The following UBN1 variants were observed in gnomAD, a reference collection of about 807,000 sequenced individuals.
The protein encoded by UBN1 is ubinuclein 1, also known as ubinuclein-1.
Under a neutral mutation model 108.5 loss-of-function variants are expected in UBN1, and 17 were observed. The ratio of observed to expected loss-of-function variants is 0.16; its 90% CI spans 0.11 to 0.24. The LOEUF (loss-of-function observed/expected upper bound fraction) is 0.24, where lower values mean the gene tolerates loss of function less well. Among genes scored for constraint, UBN1 ranks in the 10% least tolerant of loss-of-function variants. The pLI, the probability that UBN1 is intolerant of heterozygous loss-of-function variation, is 1.00. For synonymous variants in UBN1, 726 were observed against 564.2 expected (o/e 1.29, Z -4.07); for missense variants, 1,595 against 1,394.4 (o/e 1.14, Z -2.29).
At position 4,881,502 on chromosome 16, in the gene UBN1, T is replaced by C. The variant is rs1235251854; in HGVS notation, c.*1370T>C. On this transcript the variant is annotated 3_prime_UTR_variant, in exon 18 of 18. Coordinates refer to ENST00000262376, the MANE Select transcript of UBN1 (RefSeq NM_001079514.3). ...GCTCCAGCTAAGTGATCAGGCACGT[T>C]GAGAGTATACGGTGTCCTCAGCACA... The C allele has an allele frequency of 6.6e-6, 1 of 152,144 alleles. No homozygotes were observed. Among genetic ancestry groups the C allele is most frequent in the Non-Finnish European group, 1.5e-5 (1 of 68,040 alleles). The allele number at this position is 152,144 out of a possible 1,614,324, so 9.4% of individuals were successfully genotyped here.
chr16:4,877,957 C>T lies in UBN1; in HGVS notation c.3355+483C>T. The T allele has an allele frequency of 2.0e-6, 1 of 511,136 alleles. No individual in the cohort carries two copies. Among genetic ancestry groups the T allele is most frequent in the Non-Finnish European group, 2.5e-6 (1 of 396,816 alleles). 31.7% of individuals were successfully genotyped at this position (511,136 alleles called of 1,614,324 possible). ...ATTAAAGGGAAAATCCAGGTAGCAG[C>T]CAGAGGCCACAGTGCAAGACTTTGA... On this transcript the variant is annotated intron_variant, in intron 17 of 17. Coordinates refer to ENST00000262376, the MANE Select transcript of UBN1 (RefSeq NM_001079514.3). The surrounding 1 kb of genome is among the most constrained non-coding windows in gnomAD (Gnocchi z 4.3).
Position 4,877,050 on chromosome 16 carries a change from C to G in UBN1, c.3204C>G (p.Val1068=), listed in dbSNP as rs774428831. The G allele has an allele frequency of 6.2e-7, 1 of 1,614,208 alleles. No homozygotes were observed. The highest frequency in any genetic ancestry group is 2.2e-5 in the East Asian group (1 of 44,884). ...CTGACTCCTCTGCCAAAGCAGGGGT[C>G]TCCAAGGATGCCATCGTCACAGGCC... ...FSADSSAKAG[V]SKDAIVTGPA... Residue 1068 remains valine (V), a synonymous_variant, in exon 16 of 18, where the codon GTC becomes GTG. Transcript: ENST00000262376. The surrounding 1 kb of genome is among the most constrained non-coding windows in gnomAD (Gnocchi z 4.3).
At position 4,881,560 on chromosome 16, in the gene UBN1, C is replaced by T. The variant is rs896541884; in HGVS notation, c.*1428C>T. The T allele has an allele frequency of 6.6e-6, 1 of 152,166 alleles. No individual in the cohort carries two copies. Among genetic ancestry groups the T allele is most frequent in the Admixed American group, 6.5e-5 (1 of 15,278 alleles). 9.4% of individuals were successfully genotyped at this position (152,166 alleles called of 1,614,324 possible). A position where few individuals can be genotyped will look rare whatever the true frequency, so the allele number is the denominator to read the frequency against. ...GTGGGAAAACGGACCGCTCTTGGCTCCTGACTCCCAGGGTACAGCGCCCAG... is the reference window on the plus strand; with the variant it reads ...GTGGGAAAACGGACCGCTCTTGGCTTCTGACTCCCAGGGTACAGCGCCCAG... On this transcript the variant is annotated 3_prime_UTR_variant, in exon 18 of 18. Transcript: ENST00000262376.
chr16:4,874,618 C>T lies in UBN1; in HGVS notation c.2208C>T (p.Leu736=). ...CAGCTAGCTCTCTGCAGTCACCCCTCAATTTTCTGGCAGAACAGGCTCTGG... is the reference window on the plus strand; with the variant it reads ...CAGCTAGCTCTCTGCAGTCACCCCTTAATTTTCTGGCAGAACAGGCTCTGG... ...PPPASSLQSP[L]NFLAEQALAL... Residue 736 remains leucine (L), a synonymous_variant, in exon 15 of 18, where the codon CTC becomes CTT. Coordinates refer to ENST00000262376, the MANE Select transcript of UBN1 (RefSeq NM_001079514.3). 1 of 1,614,236 alleles carries T rather than the reference C, an allele frequency of 6.2e-7. No homozygotes were observed. The highest frequency in any genetic ancestry group is 8.5e-7 in the Non-Finnish European group (1 of 1,180,042).
chr16:4,880,122 G>A lies in UBN1; in HGVS notation c.3395G>A (p.Arg1132Gln). The change falls in exon 18 of 18, where the codon CGG (arginine) becomes CAG (glutamine). Residue 1132 changes from arginine (R) to glutamine (Q), a missense_variant. Arg to Gln is a conservative substitution (Grantham distance 43). Transcript: ENST00000262376. The stretch of plus-strand genomic sequence containing the variant: ...CACGGGAAAGGGCCTGCTGTACCAC[G>A]GAAATTGTGACCGCTTCAGAGGCAA... ...QLHGKGPAVPRKL is the reference protein window; with the variant it reads ...QLHGKGPAVPQKL The A allele has an allele frequency of 1.2e-6, 2 of 1,613,968 alleles. No homozygotes were observed. The highest frequency in any genetic ancestry group is 1.7e-6 in the Non-Finnish European group (2 of 1,180,000).
chr16:4,863,522 C>T (rs147368722), intron 7 of UBN1, among the ~76,000 whole-genome samples: 4 of 152,264 alleles, frequency 2.6e-5, no homozygotes, highest in East Asian at 1.9e-4. Context: ...AAATGGACAT[C>T]GCATTTTTAA....
chr16:4,862,064 G>T (rs1567912769), intron 7 of UBN1, among the ~76,000 whole-genome samples: 1 of 152,208 alleles, frequency 6.6e-6, no homozygotes, highest in South Asian at 2.1e-4. Flanking sequence ...CTGTAAACTA[G>T]GCATGGATCA....
chr16:4,854,215 A>C (rs367673722), intron 2 of UBN1, among the ~76,000 whole-genome samples: 5 of 145,064 alleles, frequency 3.4e-5, no homozygotes, highest in South Asian at 2.2e-4. Context: ...TTGTATTTTT[A>C]GTAGAGACAG....
At chr16:4,853,880 A>G (rs746804989) in intron 2 of UBN1, among the ~76,000 whole-genome samples, 1 of 151,948 alleles carries the variant, frequency 6.6e-6, no homozygotes, top group African/African-American at 2.4e-5. Context: ...ATGGATTTTC[A>G]TGAACTCAGT....
At chr16:4,864,173 G>A (rs1037819620) in intron 7 of UBN1, among the ~76,000 whole-genome samples, 5 of 134,402 alleles carry the variant, frequency 3.7e-5, no homozygotes, top group Admixed American at 1.7e-4. Flanking sequence ...ATCCACCTCC[G>A]CCTTCTGGGT....
At chr16:4,876,254 G>A (rs1348325002) in intron 15 of UBN1, among the ~76,000 whole-genome samples, 6 of 151,986 alleles carry the variant, frequency 3.9e-5, no homozygotes, top group African/African-American at 1.4e-4. Flanking sequence ...CACTGCACCC[G>A]GCCTCTTTTT....
chr16:4,852,989 C>G lies in UBN1; in HGVS notation c.72C>G (p.Ser24=). Reference sequence around the variant, plus strand: ...TGAATCCTGCGTTTTTGAAGAAGTCCCGGAAGGAGGAGGCTGGGGCAGGAG... The same window carrying G: ...TGAATCCTGCGTTTTTGAAGAAGTCGCGGAAGGAGGAGGCTGGGGCAGGAG... ...GSLNPAFLKK[S]RKEEAGAGEQ... is the part of the protein sequence containing the mutation. The change falls in exon 2 of 18, where the codon TCC becomes TCG. Residue 24 remains serine (S), a synonymous_variant. Transcript: ENST00000262376. 1 of 1,614,114 alleles carries G rather than the reference C, an allele frequency of 6.2e-7. No homozygotes were observed. The highest frequency in any genetic ancestry group is 8.5e-7 in the Non-Finnish European group (1 of 1,180,018).
At position 4,874,211 on chromosome 16, in the gene UBN1, G is replaced by A. The variant is rs147414762; in HGVS notation, c.1801G>A (p.Glu601Lys). ...CATCAACATTTCTGTTTTCCTTTAG[G>A]AATCGTCTACGAAGCCTGATAAAAA... ...VMAPSKIKVK[E>K]SSTKPDKKVS... The change falls in exon 15 of 18, where the codon GAA (glutamate) becomes AAA (lysine). Residue 601 changes from glutamate (E) to lysine (K), a missense_variant and splice_region_variant. Physicochemically the swap from Glu to Lys is moderately conservative, Grantham distance 56. Transcript: ENST00000262376. 1.3e-6 allele frequency: 2 copies of A among 1,544,916 alleles called. No homozygotes were observed. The highest frequency in any genetic ancestry group is 2.8e-5 in the African/African-American group (2 of 72,212).
chr16:4,859,253 C>T (rs758798811), intron 5 of UBN1, 94 bp downstream of exon 5: 35 of 1,520,240 alleles, frequency 2.3e-5, no homozygotes, highest in East Asian at 4.5e-5. Flanking sequence ...GGCGCTTGGC[C>T]GGCTCAGGAG....
intron 2 of UBN1, among the ~76,000 whole-genome samples, chr16:4,855,763 A>G (rs981389354): frequency 1.3e-5 from 2 of 152,124 alleles, no homozygotes; most frequent in Non-Finnish European, 2.9e-5. Flanking sequence ...TACTAAAAAT[A>G]CAAAAATTAG....
chr16:4,851,617 A>C (rs542106392), intron 1 of UBN1, among the ~76,000 whole-genome samples: 3 of 152,036 alleles, frequency 2.0e-5, no homozygotes, highest in Non-Finnish European at 4.4e-5. Flanking sequence ...TTGTGAGCTT[A>C]AGACCAGCCT....
At chr16:4,852,414 T>G (rs975601910) in intron 1 of UBN1, 2 of 156,766 alleles carry the variant, frequency 1.3e-5, no homozygotes, top group African/African-American at 4.8e-5. Context: ...TTCTTTACTA[T>G]CCTGGGGTAG....
In UBN1 at chr16:4,874,381, G is replaced by A; in HGVS notation, c.1971G>A (p.Leu657=). The change falls in exon 15 of 18, where the codon CTG becomes CTA. Residue 657 remains leucine (L), a synonymous_variant. Transcript: ENST00000262376. ...TTGCTAACCCTCCTCCTGTCAACCTGGAGGACTCATTGGATGAAGACTTGA... is the reference window on the plus strand; with the variant it reads ...TTGCTAACCCTCCTCCTGTCAACCTAGAGGACTCATTGGATGAAGACTTGA... ...GGLANPPPVN[L]EDSLDEDLIR... 6.2e-7 allele frequency: 1 copy of A among 1,614,054 alleles called. No individual in the cohort carries two copies. The highest frequency in any genetic ancestry group is 8.5e-7 in the Non-Finnish European group (1 of 1,180,030).
At position 4,858,681 on chromosome 16, in the gene UBN1, A is replaced by G. The variant is rs1303884077; in HGVS notation, c.432+18A>G. On this transcript the variant is annotated intron_variant, in intron 4 of 17. Transcript: ENST00000262376. ...CTGAGGCGGTAAGTAGTTACTGAAA[A>G]TGCCGTGTCAGACCCACTGTACCTG... 6.2e-7 allele frequency: 1 copy of G among 1,612,382 alleles called. No homozygotes were observed.
Sources: allele counts gnomAD v4.1 joint callset (sites outside exome capture counted in the v4.1 genomes callset), GRCh38; gene constraint gnomAD v4.1.1; non-coding constraint Gnocchi (gnomAD v3.1); transcripts MANE v1.5; gene names NCBI Gene and HGNC (gene_info 2026-07-23, HGNC 2026-07-21).